MYT1L: variants seen among roughly 807,000 people sequenced by gnomAD.
MYT1L encodes myelin transcription factor 1-like protein.
Under a neutral mutation model 126.7 loss-of-function variants are expected in MYT1L, and 12 were observed. The observed-to-expected ratio is 0.09, with a 90% confidence interval of 0.06 to 0.15. The LOEUF (loss-of-function observed/expected upper bound fraction) is 0.15, where lower values mean the gene tolerates loss of function less well. Ranked by LOEUF, MYT1L falls within the 10% of genes least tolerant of loss-of-function variation. The pLI, the probability that MYT1L is intolerant of heterozygous loss-of-function variation, is 1.00. For synonymous variants in MYT1L, 541 were observed against 604.2 expected, an observed-to-expected ratio of 0.90 and a Z score of 1.53; for missense variants, 979 against 1,585.2, an observed-to-expected ratio of 0.62 and a Z score of 6.49.
chr2:2,023,218 C>T (rs768381251), intron 4 of MYT1L, among the ~76,000 whole-genome samples: 3 of 152,186 alleles, frequency 2.0e-5, no homozygotes, highest in Non-Finnish European at 4.4e-5. Context: ...ACCTTTATGG[C>T]CAGTGTGGGC....
Position 2,159,738 on chromosome 2 carries a change from G to A in MYT1L, c.-304+13134C>T, listed in dbSNP as rs116526915. 1.0e-3 allele frequency among the ~76,000 whole-genome samples: 157 copies of A among 151,994 alleles called. 1 individual carries two copies. The highest frequency in any genetic ancestry group is 3.4e-3 in the African/African-American group (141 of 41,460). ...GGCCATTAAAGCCCTCGCAGCCTTC[G>A]GCCCAGATAACCAAGCAGATGACCT... On this transcript the variant is annotated intron_variant, in intron 3 of 24. Transcript: ENST00000647738.
Position 2,264,400 on chromosome 2 carries a change from C to T in MYT1L, c.-421+20004G>A, listed in dbSNP as rs73913300. Among the ~76,000 whole-genome samples the T allele has an allele frequency of 4.4e-3, 671 of 152,072 alleles. 2 individuals are homozygous for T. The highest frequency in any genetic ancestry group is 0.015 in the African/African-American group (639 of 41,476). On this transcript the variant is annotated intron_variant, in intron 2 of 24. Transcript: ENST00000647738. Reference sequence around the variant, plus strand: ...CTCTGATTACTCCCCCAAACCCCACCCCCAAAAAAAATCCCAGAATAATAC... The same window carrying T: ...CTCTGATTACTCCCCCAAACCCCACTCCCAAAAAAAATCCCAGAATAATAC...
intron 4 of MYT1L, among the ~76,000 whole-genome samples, chr2:2,020,791 G>A (rs1157578212): frequency 6.6e-6 from 1 of 152,188 alleles, no homozygotes; most frequent in African/African-American, 2.4e-5. Context: ...GAAAAGACAG[G>A]CTCCAGGATT....
intron 18 of MYT1L, among the ~76,000 whole-genome samples, chr2:1,866,706 GGA>G (rs1386691968): frequency 1.1e-5 from 1 of 91,030 alleles, no homozygotes. Context: ...GGAGAGGGAG[GGA>G]GAGAGAGAGG....
At chr2:2,175,824 G>C (rs1490095041) in intron 2 of MYT1L, among the ~76,000 whole-genome samples, 1 of 152,236 alleles carries the variant, frequency 6.6e-6, no homozygotes, top group Non-Finnish European at 1.5e-5. Flanking sequence ...CTGGCCGCCT[G>C]TCCCCATTGT....
intron 4 of MYT1L, among the ~76,000 whole-genome samples, chr2:2,026,638 C>A (rs1039991359): frequency 6.6e-6 from 1 of 152,200 alleles, no homozygotes; most frequent in African/African-American, 2.4e-5. Context: ...TTCTGCAGGT[C>A]AAGGTTCGCT....
intron 2 of MYT1L, among the ~76,000 whole-genome samples, chr2:2,217,690 ACAACAAC>A (rs1224747290): frequency 0.012 from 1,332 of 112,230 alleles, 66 homozygotes; most frequent in Non-Finnish European, 0.015. Flanking sequence ...AACAACAACA[ACAACAAC>A]AACAACAACA....
chr2:2,081,386 A>G (rs958394644), intron 3 of MYT1L, among the ~76,000 whole-genome samples: 1 of 152,124 alleles, frequency 6.6e-6, no homozygotes, highest in African/African-American at 2.4e-5. Context: ...CTCTTGGCAA[A>G]TGCACCTCCC....
intron 21 of MYT1L, among the ~76,000 whole-genome samples, chr2:1,823,269 G>T (rs1403431655): frequency 6.6e-6 from 1 of 152,208 alleles, no homozygotes. Flanking sequence ...GGTTGTGGTA[G>T]TGAGGGCTGT....
intron 2 of MYT1L, among the ~76,000 whole-genome samples, chr2:2,276,309 T>G (rs752775292): frequency 2.2e-4 from 34 of 152,130 alleles, no homozygotes; most frequent in Non-Finnish European, 4.4e-4. Context: ...AGCAGACCAG[T>G]CCTCGCTCAA....
intron 5 of MYT1L, among the ~76,000 whole-genome samples, chr2:1,992,370 G>C (rs1192769916): frequency 6.6e-6 from 1 of 151,738 alleles, no homozygotes; most frequent in East Asian, 1.9e-4. Flanking sequence ...CCGTTTCCTT[G>C]CATCTGCCTG....
intron 5 of MYT1L, among the ~76,000 whole-genome samples, chr2:1,985,061 G>A (rs2060908263): frequency 6.6e-6 from 1 of 152,164 alleles, no homozygotes; most frequent in South Asian, 2.1e-4. Flanking sequence ...TTGGACTGCA[G>A]GCTGGGTTAC....
intron 2 of MYT1L, among the ~76,000 whole-genome samples, chr2:2,189,085 AG>A (rs2092407208): frequency 6.6e-6 from 1 of 152,200 alleles, no homozygotes; most frequent in Non-Finnish European, 1.5e-5. Context: ...CTTCCCCTCC[AG>A]TGCATTCTCC....
intron 2 of MYT1L, among the ~76,000 whole-genome samples, chr2:2,222,653 A>T (rs1321747841): frequency 6.6e-6 from 1 of 152,150 alleles, no homozygotes; most frequent in Non-Finnish European, 1.5e-5. Flanking sequence ...AATCCTAAAG[A>T]GGGCTAAGAT....
intron 2 of MYT1L, among the ~76,000 whole-genome samples, chr2:2,206,859 C>A (rs1360942074): frequency 6.6e-6 from 1 of 152,174 alleles, no homozygotes; most frequent in Non-Finnish European, 1.5e-5. Context: ...CCTTCTTCTT[C>A]TGTTTAAAAT....
chr2:2,096,287 A>C (rs2077460469), intron 3 of MYT1L, among the ~76,000 whole-genome samples: 1 of 152,192 alleles, frequency 6.6e-6, no homozygotes. Context: ...TGTGCAAGGG[A>C]CATGCACACA....
At chr2:2,202,697 G>A (rs1477578951) in intron 2 of MYT1L, among the ~76,000 whole-genome samples, 1 of 151,882 alleles carries the variant, frequency 6.6e-6, no homozygotes, top group African/African-American at 2.4e-5. Context: ...AGAGGTACAA[G>A]GAGGAGCTGG....
At position 1,852,333 on chromosome 2, in the gene MYT1L, T is replaced by G. The variant is rs965158832; in HGVS notation, c.2712-630A>C. Among the ~76,000 whole-genome samples, 1 of 152,162 alleles carries G rather than the reference T, an allele frequency of 6.6e-6. No homozygotes were observed. Among genetic ancestry groups the G allele is most frequent in the Admixed American group, 6.5e-5 (1 of 15,278 alleles). On this transcript the variant is annotated intron_variant, in intron 18 of 24. Coordinates refer to ENST00000647738, the MANE Select transcript of MYT1L (RefSeq NM_001303052.2). The surrounding 1 kb of genome is among the most constrained non-coding windows in gnomAD (Gnocchi z 4.0). The stretch of plus-strand genomic sequence containing the variant: ...AAATAGTTGTTACTCTTGAGCGACA[T>G]GAAGAACATAAATCAGTTCAGATCC...
chr2:1,979,364 G>T lies in MYT1L; in HGVS notation c.90-137C>A. 9.1e-7 allele frequency: 1 copy of T among 1,103,826 alleles called. No homozygotes were observed. The allele number at this position is 1,103,826 out of a possible 1,614,324, so 68.4% of individuals were successfully genotyped here. A position where few individuals can be genotyped will look rare whatever the true frequency, so the allele number is the denominator to read the frequency against. ...CAATCCAAAGGAGGGGGAAATTCGG[G>T]GAGGCTTTTTACGAGCAAGTCTCGG... On this transcript the variant is annotated intron_variant, in intron 7 of 24. Coordinates refer to ENST00000647738, the MANE Select transcript of MYT1L (RefSeq NM_001303052.2). The surrounding 1 kb of genome is among the most constrained non-coding windows in gnomAD (Gnocchi z 4.0).
Sources: gnomAD v4.1 joint callset for allele counts (sites outside exome capture counted in the v4.1 genomes callset) on GRCh38, gnomAD v4.1.1 for gene constraint, Gnocchi (gnomAD v3.1) non-coding constraint, MANE v1.5 for transcripts, NCBI Gene and HGNC (gene_info 2026-07-23, HGNC 2026-07-21) for gene names.